MTSS2: variants seen among roughly 807,000 people sequenced by gnomAD.
The protein encoded by MTSS2 is MTSS I-BAR domain containing 2, also known as protein MTSS 2.
A neutral mutation model predicts 67.1 loss-of-function variants in MTSS2; 27 were observed. The ratio of observed to expected loss-of-function variants is 0.40; its 90% CI spans 0.30 to 0.55. The LOEUF is 0.55. MTSS2 is among the 20% of genes least tolerant of loss of function. The probability of loss-of-function intolerance (pLI) is 0.43; values close to 1 mark genes in which losing one functional copy is unlikely to be tolerated. For missense variants in MTSS2, 1,171 were observed against 1,067.8 expected (o/e 1.10, Z -1.35); for synonymous variants, 624 against 468.6 (o/e 1.33, Z -4.28).
chr16:70,663,431 C>T lies in MTSS2; in HGVS notation c.*246G>A, dbSNP rs565156309. The T allele has an allele frequency of 1.3e-4, 78 of 609,696 alleles. No homozygotes were observed. In the African/African-American group the frequency reaches 1.3e-3, roughly 10 times the overall value. The allele number at this position is 609,696 out of a possible 1,614,324, so 37.8% of individuals were successfully genotyped here. A position where few individuals can be genotyped will look rare whatever the true frequency, so the allele number is the denominator to read the frequency against. ...GCCCCAGAGGAGGAAGAGGAGGGAC[C>T]GAAGAGCATAAAACAGACCCCGAAC... On this transcript the variant is annotated 3_prime_UTR_variant, in exon 15 of 15. Transcript: ENST00000338779.
rs918320752 is a variant in MTSS2, at chr16:70,663,571, G to C, written c.*106C>G. 11 of 1,440,144 alleles carry C rather than the reference G, an allele frequency of 7.6e-6. No homozygotes were observed. Among genetic ancestry groups the C allele is most frequent in the Non-Finnish European group, 1.0e-5 (11 of 1,096,668 alleles). 89.2% of individuals were successfully genotyped at this position (1,440,144 alleles called of 1,614,324 possible). A position where few individuals can be genotyped will look rare whatever the true frequency, so the allele number is the denominator to read the frequency against. ...CATAAAGTGGCATGGCCTCTGCCCT[G>C]GCTCTGTCCTCTCTCCTGGCTGGGC... On this transcript the variant is annotated 3_prime_UTR_variant, in exon 15 of 15. Coordinates refer to ENST00000338779, the MANE Select transcript of MTSS2 (RefSeq NM_138383.3).
At chr16:70,685,476 G>A (rs1369088046) in intron 1 of MTSS2, among the ~76,000 whole-genome samples, 1 of 152,090 alleles carries the variant, frequency 6.6e-6, no homozygotes, top group Admixed American at 6.5e-5. Context: ...CGTGTGCACA[G>A]GCTCGGGTCA....
chr16:70,685,493 CA>C lies in MTSS2; in HGVS notation c.69+229del, dbSNP rs531376808. Among the ~76,000 whole-genome samples the C allele has an allele frequency of 3.0e-3, 452 of 152,202 alleles. 1 individual carries two copies. The highest frequency in any genetic ancestry group is 4.7e-3 in the Non-Finnish European group (317 of 67,980). The stretch of plus-strand genomic sequence containing the variant: ...TGTGCACAGGCTCGGGTCAGGACCC[CA>C]CGGGGCCACCGCGGGCACCGCACGG... On this transcript the variant is annotated intron_variant, in intron 1 of 14. Coordinates refer to ENST00000338779, the MANE Select transcript of MTSS2 (RefSeq NM_138383.3).
At chr16:70,671,214 C>T (rs1219049415) in intron 11 of MTSS2, among the ~76,000 whole-genome samples, 2 of 151,560 alleles carry the variant, frequency 1.3e-5, no homozygotes, top group African/African-American at 4.9e-5. Context: ...TAGGAGTGAT[C>T]CAACATGGCA....
At chr16:70,666,534 G>T (rs188681274) in intron 11 of MTSS2, among the ~76,000 whole-genome samples, 1 of 152,316 alleles carries the variant, frequency 6.6e-6, no homozygotes, top group East Asian at 1.9e-4. Flanking sequence ...GTGTTGGCCT[G>T]GGAATGAGCC....
Position 70,663,626 on chromosome 16 carries a change from C to A in MTSS2, c.*51G>T. On this transcript the variant is annotated 3_prime_UTR_variant, in exon 15 of 15. Coordinates refer to ENST00000338779, the MANE Select transcript of MTSS2 (RefSeq NM_138383.3). The stretch of plus-strand genomic sequence containing the variant: ...GCTCTGAGTGCCTGCGGCTCACAGA[C>A]CAGGCCACCTGCTCGCACTGGGGCC... The A allele has an allele frequency of 1.3e-6, 2 of 1,500,054 alleles. No homozygotes were observed. Among genetic ancestry groups the A allele is most frequent in the Admixed American group, 2.3e-5 (1 of 44,168 alleles). The allele number at this position is 1,500,054 out of a possible 1,614,324, so 92.9% of individuals were successfully genotyped here. A position where few individuals can be genotyped will look rare whatever the true frequency, so the allele number is the denominator to read the frequency against.
In MTSS2 at chr16:70,663,912, T is replaced by G. The variant is rs752307434; in HGVS notation, c.2009A>C (p.Asn670Thr). The stretch of plus-strand genomic sequence containing the variant: ...CAGCTTCTCCACCAGGCTGTGCCGG[T>G]TGGCCGCCAGCTGCTGCTGCTCGTC... ...AEDEQQQLAA[N>T]RHSLVEKLGE... Residue 670 changes from asparagine (N) to threonine (T), a missense_variant, in exon 15 of 15, where the codon AAC becomes ACC. By Grantham distance (65) the Asn-to-Thr change is moderately conservative. Transcript: ENST00000338779. The G allele has an allele frequency of 6.5e-7, 1 of 1,550,166 alleles. No homozygotes were observed. Among genetic ancestry groups the G allele is most frequent in the South Asian group, 1.2e-5 (1 of 84,442 alleles).
rs2052576758 is a variant in MTSS2, at chr16:70,663,702, T to C, written c.2219A>G (p.Asp740Gly). The C allele has an allele frequency of 6.3e-7, 1 of 1,589,398 alleles. No individual in the cohort carries two copies. The highest frequency in any genetic ancestry group is 8.6e-7 in the Non-Finnish European group (1 of 1,169,168). ...GVRLRRTVTN[D>G]RSAPRIL ...TCATAAGATGCGGGGCGCCGACCTG[T>C]CGTTGGTGACGGTCCTGCGGAGCCG... Residue 740 changes from aspartate to glycine, a missense_variant, in exon 15 of 15, where the codon GAC (aspartate) becomes GGC (glycine). Physicochemically the swap from Asp to Gly is moderately conservative, Grantham distance 94. Transcript: ENST00000338779.
intron 11 of MTSS2, chr16:70,665,750 C>G (rs2052692242): frequency 4.0e-6 from 2 of 503,792 alleles, no homozygotes; most frequent in East Asian, 3.3e-5. Context: ...ACGGTGAACG[C>G]TGACCCACCT....
chr16:70,663,873 G>T lies in MTSS2; in HGVS notation c.2048C>A (p.Ala683Glu). The T allele has an allele frequency of 6.5e-7, 1 of 1,542,154 alleles. No individual in the cohort carries two copies. Among genetic ancestry groups the T allele is most frequent in the Non-Finnish European group, 8.7e-7 (1 of 1,145,752 alleles). Residue 683 changes from alanine (A) to glutamate (E), a missense_variant, in exon 15 of 15, where the codon GCG becomes GAG. Transcript: ENST00000338779. ...SLVEKLGELV[A>E]GAHALGEGQF... is the part of the protein sequence containing the mutation. ...GCCCTCACCCAGTGCGTGGGCACCC[G>T]CCACCAGCTCCCCCAGCTTCTCCAC...
intron 11 of MTSS2, among the ~76,000 whole-genome samples, chr16:70,671,634 A>G (rs1226836087): frequency 6.6e-6 from 1 of 152,222 alleles, no homozygotes; most frequent in Non-Finnish European, 1.5e-5. Context: ...GGATGCCAAA[A>G]TTAGAGAGCA....
At chr16:70,671,099 G>C (rs1049127736) in intron 11 of MTSS2, among the ~76,000 whole-genome samples, 3 of 151,712 alleles carry the variant, frequency 2.0e-5, no homozygotes, top group Non-Finnish European at 4.4e-5. Flanking sequence ...TCTTGTTCTC[G>C]GTGTGTTTAG....
chr16:70,670,039 G>T (rs569806832), intron 11 of MTSS2, among the ~76,000 whole-genome samples: 6 of 150,618 alleles, frequency 4.0e-5, no homozygotes, highest in Admixed American at 1.3e-4. Flanking sequence ...GGGAGGCTGA[G>T]GGGGGTGGAC....
intron 11 of MTSS2, among the ~76,000 whole-genome samples, chr16:70,672,971 G>C (rs974147895): frequency 6.6e-6 from 1 of 152,114 alleles, no homozygotes; most frequent in Admixed American, 6.6e-5. Flanking sequence ...GACCAGCCTG[G>C]GCAACATGGC....
chr16:70,665,285 G>A (rs1161056128), intron 12 of MTSS2, 181 bp downstream of exon 12: 4 of 907,000 alleles, frequency 4.4e-6, no homozygotes, highest in Non-Finnish European at 6.5e-6. Flanking sequence ...GGGGTAAGAT[G>A]TGGCTGTGTG....
chr16:70,679,488 G>T, intron 6 of MTSS2, 142 bp downstream of exon 6: 1 of 1,220,728 alleles, frequency 8.2e-7, no homozygotes. Flanking sequence ...AGCTCCCTCT[G>T]TCCCACCCAA....
chr16:70,667,300 AT>A (rs1380728019), intron 11 of MTSS2, among the ~76,000 whole-genome samples: 5 of 148,740 alleles, frequency 3.4e-5, no homozygotes, highest in Non-Finnish European at 7.4e-5. Context: ...AAAAAAAAAA[AT>A]CACTATTTAC....
chr16:70,680,881 C>A lies in MTSS2; in HGVS notation c.132-14G>T. 4.2e-6 allele frequency: 6 copies of A among 1,427,654 alleles called. No homozygotes were observed. Among genetic ancestry groups the A allele is most frequent in the Non-Finnish European group, 5.7e-6 (6 of 1,059,584 alleles). The allele number at this position is 1,427,654 out of a possible 1,614,324, so 88.4% of individuals were successfully genotyped here. A position where few individuals can be genotyped will look rare whatever the true frequency, so the allele number is the denominator to read the frequency against. ...AGCACGGTGGTCCTGGGGAGAGGGA[C>A]AACGGCATGGATGGTCGGTGGTTGG... is the stretch of plus-strand genomic sequence containing the variant. On this transcript the variant is annotated splice_polypyrimidine_tract_variant and intron_variant, in intron 2 of 14. Coordinates refer to ENST00000338779, the MANE Select transcript of MTSS2 (RefSeq NM_138383.3).
Position 70,680,958 on chromosome 16 carries a change from C to T in MTSS2, c.131+6G>A. The T allele has an allele frequency of 6.2e-7, 1 of 1,601,892 alleles. No individual in the cohort carries two copies. The highest frequency in any genetic ancestry group is 8.5e-7 in the Non-Finnish European group (1 of 1,175,076). On this transcript the variant is annotated splice_donor_region_variant and intron_variant, in intron 2 of 14. Coordinates refer to ENST00000338779, the MANE Select transcript of MTSS2 (RefSeq NM_138383.3). ...TCCCCTGCTGGGGTGCCCTGGGCCA[C>T]CTCACCTCAGCTGGGAATGCAGCTT... is the stretch of plus-strand genomic sequence containing the variant.
Sources: gnomAD v4.1 joint callset for allele counts (sites outside exome capture counted in the v4.1 genomes callset) on GRCh38, gnomAD v4.1.1 for gene constraint, MANE v1.5 for transcripts, NCBI Gene and HGNC (gene_info 2026-07-23, HGNC 2026-07-21) for gene names.